Variants in MED25 observed in about 807,000 individuals in gnomAD.
MED25 encodes mediator of RNA polymerase II transcription subunit 25.
MED25 carries 62 observed loss-of-function variants against 89.4 expected under a neutral mutation model. The observed-to-expected ratio is 0.69, with a 90% CI of 0.57 to 0.86. The LOEUF is 0.86. Ranked by LOEUF, MED25 falls within the 40% of genes least tolerant of loss-of-function variation. The probability of loss-of-function intolerance (pLI) is 0.00; values close to 1 mark genes in which losing one functional copy is unlikely to be tolerated. For missense variants in MED25, 905 were observed against 1,005.2 expected, an observed-to-expected ratio of 0.90 and a Z score of 1.35; for synonymous variants, 449 against 427.9, an observed-to-expected ratio of 1.05 and a Z score of -0.61.
Position 49,830,177 on chromosome 19 carries a change from G to GC in MED25, c.784dup (p.Gln262ProfsTer137). ...ACCCTCAGGTGCCACTCTCTCAGCA[G>GC]CCCCCCAGCAGCCTCTGCCCCCCGT... On this transcript the variant is annotated frameshift_variant, in exon 7 of 18. Transcript: ENST00000312865. LOFTEE classifies it high-confidence loss of function. This position sits in a 1 kb window ranked among gnomAD's most constrained non-coding sequence, Gnocchi z 4.6. 1.2e-6 allele frequency: 2 copies of GC among 1,600,960 alleles called. No individual in the cohort carries two copies. Among genetic ancestry groups the GC allele is most frequent in the South Asian group, 1.1e-5 (1 of 90,784 alleles).
At position 49,835,518 on chromosome 19, in the gene MED25, CT is replaced by C. The variant is rs2074089147; in HGVS notation, c.1675-15del. The C allele has an allele frequency of 6.5e-7, 1 of 1,539,980 alleles. No homozygotes were observed. The highest frequency in any genetic ancestry group is 8.8e-7 in the Non-Finnish European group (1 of 1,141,972). On this transcript the variant is annotated splice_polypyrimidine_tract_variant and intron_variant, in intron 14 of 17. Coordinates refer to ENST00000312865, the MANE Select transcript of MED25 (RefSeq NM_030973.4). This position sits in a 1 kb window ranked among gnomAD's most constrained non-coding sequence, Gnocchi z 6.2. ...ACCACCCTCAGTTACTGACCTGCCC[CT>C]CTCTCCCCGTGCAGATGGGGGGACA...
chr19:49,821,857 G>A lies in MED25; in HGVS notation c.305+2561G>A, dbSNP rs867541228. The stretch of plus-strand genomic sequence containing the variant: ...AAAAAATTTTGTAGTGGCGGGGCAC[G>A]GTGGCTCATCCCTGTAATCCCAGCA... On this transcript the variant is annotated intron_variant, in intron 3 of 17. Coordinates refer to ENST00000312865, the MANE Select transcript of MED25 (RefSeq NM_030973.4). Among the ~76,000 whole-genome samples, 12 of 149,598 alleles carry A rather than the reference G, an allele frequency of 8.0e-5. 1 individual carries two copies. The highest frequency in any genetic ancestry group is 2.2e-4 in the African/African-American group (9 of 40,192).
chr19:49,828,403 A>G, intron 3 of MED25, 46 bp from the exon 4 acceptor site: 1 of 1,273,880 alleles, frequency 7.9e-7, no homozygotes, highest in Non-Finnish European at 1.1e-6. Context: ...TAGCCTGGGG[A>G]TGGGGATGAT....
At chr19:49,832,078 C>T in intron 11 of MED25, 22 bp from the exon 12 acceptor site, 2 of 1,613,910 alleles carry the variant, frequency 1.2e-6, no homozygotes, top group Non-Finnish European at 1.7e-6. Flanking sequence ...CCTCCTCACA[C>T]CTCTCCTGGC....
intron 3 of MED25, among the ~76,000 whole-genome samples, chr19:49,822,286 C>T (rs76127528): frequency 7.4e-5 from 10 of 135,122 alleles, no homozygotes; most frequent in African/African-American, 2.9e-4. Context: ...AAAAAAAAAC[C>T]ATACAAAAAT....
At chr19:49,828,682 G>A in intron 4 of MED25, 135 bp downstream of exon 4, 1 of 928,814 alleles carries the variant, frequency 1.1e-6, no homozygotes, top group East Asian at 2.6e-5. Context: ...GCTGAGCCAG[G>A]AGGCTGCAGG....
intron 2 of MED25, chr19:49,818,970 G>A (rs1416329097): frequency 3.0e-6 from 2 of 665,820 alleles, no homozygotes; most frequent in East Asian, 5.6e-5. Flanking sequence ...GGGCTCCTGG[G>A]TCTGAGGGAG....
intron 3 of MED25, among the ~76,000 whole-genome samples, chr19:49,820,957 C>T (rs1300160901): frequency 6.6e-6 from 1 of 152,224 alleles, no homozygotes. Flanking sequence ...CATTGTATTA[C>T]TTATTCTTAG....
intron 3 of MED25, among the ~76,000 whole-genome samples, chr19:49,823,119 CTTTATT>C (rs1034042622): frequency 5.3e-5 from 8 of 152,106 alleles, no homozygotes; most frequent in Admixed American, 3.9e-4. Flanking sequence ...TGGCTGATTT[CTTTATT>C]TTAATTCTTG....
At chr19:49,821,505 G>A (rs1568619202) in intron 3 of MED25, among the ~76,000 whole-genome samples, 1 of 152,164 alleles carries the variant, frequency 6.6e-6, no homozygotes, top group African/African-American at 2.4e-5. Context: ...GGTGGCTCAC[G>A]CCTGTAATCC....
chr19:49,819,401 G>A, intron 3 of MED25, 105 bp downstream of exon 3: 1 of 1,308,602 alleles, frequency 7.6e-7, no homozygotes, highest in Non-Finnish European at 1.1e-6. Flanking sequence ...GTGAATAAGT[G>A]ATGGCTTGGG....
At chr19:49,832,952 A>G (rs2074069601) in intron 13 of MED25, 3 of 196,024 alleles carry the variant, frequency 1.5e-5, no homozygotes, top group Admixed American at 1.1e-4. Context: ...TCCACATGGC[A>G]TTCTCTCTGT....
chr19:49,825,709 T>TA (rs2074011279), intron 3 of MED25, among the ~76,000 whole-genome samples: 1 of 151,852 alleles, frequency 6.6e-6, no homozygotes, highest in South Asian at 2.1e-4. Flanking sequence ...CGCATGCCTG[T>TA]AATCCCAGCT....
chr19:49,838,888 G>C (rs1334310143), downstream of MED25: 5 of 393,000 alleles, frequency 1.3e-5, no homozygotes, highest in African/African-American at 1.0e-4. Context: ...CCGGAATCAC[G>C]TGAGAAGAAT....
At chr19:49,838,210 C>T (rs952033060), downstream of MED25, among the ~76,000 whole-genome samples, 7 of 152,162 alleles carry the variant, frequency 4.6e-5, no homozygotes, top group Admixed American at 2.6e-4. Flanking sequence ...GGCCATCGTG[C>T]GGATGAGTTT....
At chr19:49,818,711 G>A in intron 2 of MED25, 95 bp downstream of exon 2, 1 of 1,199,346 alleles carries the variant, frequency 8.3e-7, no homozygotes, top group Non-Finnish European at 1.2e-6. Flanking sequence ...CTGGACTCCT[G>A]AGTTTGAGGG....
rs1449136825 is a variant in MED25, at chr19:49,830,270, G to A, written c.819+52G>A. Reference sequence around the variant, plus strand: ...GCTTCTGGGGACTTGCTGGAGCCCTGGCCCCTGGGGAGAAATCTAGTTGCA... The same window carrying A: ...GCTTCTGGGGACTTGCTGGAGCCCTAGCCCCTGGGGAGAAATCTAGTTGCA... On this transcript the variant is annotated intron_variant, in intron 7 of 17. Coordinates refer to ENST00000312865, the MANE Select transcript of MED25 (RefSeq NM_030973.4). This position sits in a 1 kb window ranked among gnomAD's most constrained non-coding sequence, Gnocchi z 4.6. 6.3e-7 allele frequency: 1 copy of A among 1,576,078 alleles called. No homozygotes were observed. Among genetic ancestry groups the A allele is most frequent in the Middle Eastern group, 1.7e-4 (1 of 5,718 alleles).
chr19:49,828,697 T>C (rs2074032197), intron 4 of MED25, 150 bp downstream of exon 4: 2 of 914,036 alleles, frequency 2.2e-6, no homozygotes, highest in South Asian at 1.4e-5. Flanking sequence ...TGCAGGTGTG[T>C]CCTTGGGGGA....
Position 49,818,480 on chromosome 19 carries a change from G to C in MED25, c.134+5G>C. 1.2e-6 allele frequency: 2 copies of C among 1,614,202 alleles called. No homozygotes were observed. The highest frequency in any genetic ancestry group is 1.7e-5 in the Admixed American group (1 of 60,032). Reference sequence around the variant, plus strand: ...CTACCTGCTCCCGGCCATCGAGTGAGTGCTGTTTCCGCGACTCTAACCCCG... The same window carrying C: ...CTACCTGCTCCCGGCCATCGAGTGACTGCTGTTTCCGCGACTCTAACCCCG... On this transcript the variant is annotated splice_donor_5th_base_variant and intron_variant, in intron 1 of 17. Transcript: ENST00000312865.
Sources: allele counts gnomAD v4.1 joint callset (sites outside exome capture counted in the v4.1 genomes callset), GRCh38; gene constraint gnomAD v4.1.1; non-coding constraint Gnocchi (gnomAD v3.1); transcripts MANE v1.5; gene names NCBI Gene and HGNC (gene_info 2026-07-23, HGNC 2026-07-21).